Variants in ALKBH8 observed in about 807,000 individuals in gnomAD.
The protein encoded by ALKBH8 is alkB homolog 8, tRNA methyltransferase.
ALKBH8 carries 36 observed loss-of-function variants against 59.8 expected under a neutral mutation model. That is an observed-to-expected ratio of 0.60 (90% CI 0.46 to 0.79). The LOEUF is 0.79. Among genes scored for constraint, ALKBH8 ranks in the 30% least tolerant of loss-of-function variants. ALKBH8 has a pLI of 0.00. For missense variants in ALKBH8, 768 were observed against 801.0 expected (o/e 0.96, Z 0.50); for synonymous variants, 276 against 273.6 (o/e 1.01, Z -0.09).
chr11:107,511,074 A>G (rs1189042709), intron 10 of ALKBH8, 38 bp from the exon 11 acceptor site: 1 of 1,546,028 alleles, frequency 6.5e-7, no homozygotes, highest in Admixed American at 2.0e-5. Context: ...TTTTGTTTAA[A>G]TTTCACATGA....
At chr11:107,541,685 A>C (rs1000855475) in intron 7 of ALKBH8, among the ~76,000 whole-genome samples, 5 of 152,204 alleles carry the variant, frequency 3.3e-5, no homozygotes, top group African/African-American at 4.8e-5. Context: ...CTTTCTATAA[A>C]TGTAGAAAGC....
chr11:107,535,137 T>C (rs754437121), intron 7 of ALKBH8, among the ~76,000 whole-genome samples: 2 of 152,232 alleles, frequency 1.3e-5, no homozygotes, highest in South Asian at 2.1e-4. Flanking sequence ...TACCACATTT[T>C]CTTTATCCAC....
Position 107,507,522 on chromosome 11 carries a change from T to C in ALKBH8, c.1438-2307A>G, listed in dbSNP as rs140356659. 4.6e-5 allele frequency among the ~76,000 whole-genome samples: 7 copies of C among 152,268 alleles called. No homozygotes were observed. The East Asian group carries it at 1.4e-3, about 29-fold the overall frequency. On this transcript the variant is annotated intron_variant, in intron 11 of 11. Coordinates refer to ENST00000428149, the MANE Select transcript of ALKBH8 (RefSeq NM_138775.3). ...GTTGAAAAAAAGATTATTAAAATAA[T>C]AATAACTAATATTTTCTGAGCTCTT...
chr11:107,558,126 C>CAGT (rs1565350171), intron 2 of ALKBH8, among the ~76,000 whole-genome samples: 1 of 152,146 alleles, frequency 6.6e-6, no homozygotes. Context: ...AGTCTAAGGA[C>CAGT]AGTAGTTTGC....
intron 4 of ALKBH8, 127 bp downstream of exon 4, chr11:107,553,720 G>T: frequency 2.1e-6 from 2 of 968,690 alleles, no homozygotes; most frequent in Non-Finnish European, 3.0e-6. Flanking sequence ...GGTATGACTT[G>T]CCTAACATTG....
intron 10 of ALKBH8, among the ~76,000 whole-genome samples, chr11:107,512,217 GAC>G (rs10590443): frequency 0.39 from 59,259 of 151,002 alleles, 12,082 homozygotes; most frequent in East Asian, 0.54. Flanking sequence ...GTAATATACA[GAC>G]ACACACACAC....
At chr11:107,531,713 A>G (rs776682884) in intron 8 of ALKBH8, among the ~76,000 whole-genome samples, 18 of 152,218 alleles carry the variant, frequency 1.2e-4, no homozygotes, top group South Asian at 4.1e-4. Context: ...AGCTTGGCCA[A>G]CTTTTTCTGT....
At chr11:107,519,341 G>A (rs1222764317) in intron 10 of ALKBH8, among the ~76,000 whole-genome samples, 1 of 151,368 alleles carries the variant, frequency 6.6e-6, no homozygotes, top group Non-Finnish European at 1.5e-5. Context: ...TCAACCTCAG[G>A]TGATCTGTCC....
At chr11:107,552,681 G>A (rs906581695) in intron 5 of ALKBH8, among the ~76,000 whole-genome samples, 2 of 152,124 alleles carry the variant, frequency 1.3e-5, no homozygotes, top group African/African-American at 4.8e-5. Flanking sequence ...ATCAATTAAC[G>A]TTTTTTAGTG....
intron 11 of ALKBH8, 123 bp downstream of exon 11, chr11:107,510,762 CTG>C (rs1178324842): frequency 9.5e-7 from 1 of 1,051,388 alleles, no homozygotes; most frequent in Non-Finnish European, 1.3e-6. Flanking sequence ...AGAGGGAAAA[CTG>C]TGACAAGAAA....
chr11:107,539,710 A>C (rs1041235435), intron 7 of ALKBH8, among the ~76,000 whole-genome samples: 9 of 152,212 alleles, frequency 5.9e-5, no homozygotes, highest in Non-Finnish European at 1.2e-4. Context: ...AAGCAAAAAC[A>C]GAAAACAACC....
At chr11:107,521,781 CTTTCCTCA>C (rs1340066691) in intron 10 of ALKBH8, among the ~76,000 whole-genome samples, 2 of 152,048 alleles carry the variant, frequency 1.3e-5, no homozygotes, top group Non-Finnish European at 2.9e-5. Context: ...TTGAGACTTC[CTTTCCTCA>C]ACAGTAAGAT....
At chr11:107,545,340 G>T (rs2135555998) in intron 7 of ALKBH8, among the ~76,000 whole-genome samples, 1 of 152,170 alleles carries the variant, frequency 6.6e-6, no homozygotes, top group South Asian at 2.1e-4. Context: ...CATTCTGATT[G>T]ACCAGACTGG....
chr11:107,541,523 G>C (rs1864034154), intron 7 of ALKBH8, among the ~76,000 whole-genome samples: 1 of 152,122 alleles, frequency 6.6e-6, no homozygotes, highest in Non-Finnish European at 1.5e-5. Flanking sequence ...AACTACCATT[G>C]GGGGCCTATA....
intron 9 of ALKBH8, among the ~76,000 whole-genome samples, chr11:107,523,381 T>G (rs560232719): frequency 8.5e-5 from 13 of 152,066 alleles, no homozygotes; most frequent in African/African-American, 3.1e-4. Flanking sequence ...ACAATCTCAC[T>G]CATATATGGA....
intron 10 of ALKBH8, among the ~76,000 whole-genome samples, chr11:107,520,478 T>A (rs1017557926): frequency 1.1e-3 from 163 of 152,320 alleles, no homozygotes; most frequent in African/African-American, 3.3e-3. Context: ...TCGACCTAGT[T>A]TCACTGTCAC....
intron 8 of ALKBH8, among the ~76,000 whole-genome samples, chr11:107,530,608 C>CACAG (rs1215609810): frequency 1.3e-4 from 2 of 14,944 alleles, no homozygotes; most frequent in East Asian, 3.0e-3. Flanking sequence ...CTAACACACA[C>CACAG]ACACACACAC....
chr11:107,541,982 G>A (rs1456879392), intron 7 of ALKBH8, among the ~76,000 whole-genome samples: 1 of 152,034 alleles, frequency 6.6e-6, no homozygotes, highest in Non-Finnish European at 1.5e-5. Flanking sequence ...ATCAATGAAT[G>A]AGCTTAACAG....
intron 11 of ALKBH8, among the ~76,000 whole-genome samples, chr11:107,509,269 A>G (rs1862522168): frequency 6.6e-6 from 1 of 152,184 alleles, no homozygotes; most frequent in Non-Finnish European, 1.5e-5. Context: ...AGTGATGCTG[A>G]GTATCTTTTC....
Sources: allele counts gnomAD v4.1 joint callset (sites outside exome capture counted in the v4.1 genomes callset), GRCh38; gene constraint gnomAD v4.1.1; transcripts MANE v1.5; gene names NCBI Gene and HGNC (gene_info 2026-07-23, HGNC 2026-07-21).